FGD3: variants seen among roughly 807,000 people sequenced by gnomAD.
The protein encoded by FGD3 is FYVE, RhoGEF and PH domain containing 3, also known as FYVE, RhoGEF and PH domain-containing protein 3.
FGD3 carries 45 observed loss-of-function variants against 71.8 expected under a neutral mutation model. That is an observed-to-expected ratio of 0.63 (90% CI 0.49 to 0.80). The LOEUF is 0.80. Among genes scored for constraint, FGD3 ranks in the 30% least tolerant of loss-of-function variants. FGD3 has a pLI of 0.00. For missense variants in FGD3, 844 were observed against 951.5 expected (o/e 0.89, Z 1.49); for synonymous variants, 378 against 392.8 (o/e 0.96, Z 0.44).
chr9:92,949,382 C>T (rs1017466118), intron 1 of FGD3, among the ~76,000 whole-genome samples: 4 of 152,178 alleles, frequency 2.6e-5, no homozygotes, highest in African/African-American at 9.7e-5. Flanking sequence ...TCATCCATGA[C>T]AGTGTCTGAC....
chr9:92,963,407 C>T (rs968253074), intron 1 of FGD3, among the ~76,000 whole-genome samples: 4 of 152,168 alleles, frequency 2.6e-5, no homozygotes, highest in African/African-American at 9.7e-5. Context: ...TCGAGCGGTC[C>T]TCCCACCTCA....
intron 3 of FGD3, among the ~76,000 whole-genome samples, chr9:92,983,426 G>A (rs1186236225): frequency 1.3e-5 from 2 of 152,074 alleles, no homozygotes; most frequent in Non-Finnish European, 2.9e-5. Flanking sequence ...TCGGGAGGCT[G>A]AGGCAGGAGA....
intron 14 of FGD3, among the ~76,000 whole-genome samples, chr9:93,023,915 C>T (rs1862026680): frequency 6.6e-6 from 1 of 151,622 alleles, no homozygotes; most frequent in East Asian, 2.0e-4. Flanking sequence ...GATCCTCCTG[C>T]CTCAGCCTCC....
intron 1 of FGD3, among the ~76,000 whole-genome samples, chr9:92,965,602 G>A (rs1051260655): frequency 4.6e-5 from 7 of 152,254 alleles, no homozygotes; most frequent in Non-Finnish European, 8.8e-5. Context: ...CCCTTGGAAT[G>A]ACACGAGGCC....
chr9:93,023,665 C>T (rs79286090), intron 14 of FGD3, among the ~76,000 whole-genome samples: 6,987 of 152,180 alleles, frequency 0.046, 247 homozygotes, highest in East Asian at 0.14. Flanking sequence ...GCCCTGGGTT[C>T]CCCTTGCCCT....
chr9:93,035,679 A>C lies in FGD3; in HGVS notation c.*90A>C. 8.1e-6 allele frequency: 12 copies of C among 1,481,778 alleles called. No homozygotes were observed. Among genetic ancestry groups the C allele is most frequent in the Non-Finnish European group, 1.1e-5 (12 of 1,117,876 alleles). The allele number at this position is 1,481,778 out of a possible 1,614,324, so 91.8% of individuals were successfully genotyped here. On this transcript the variant is annotated 3_prime_UTR_variant, in exon 18 of 18. Coordinates refer to ENST00000375482, the MANE Select transcript of FGD3 (RefSeq NM_001083536.2). ...GGAGGCCCCATGAAGAGCGCCCTGG[A>C]CTGCTGAGGGTGGGCCAACAGCCCA...
intron 14 of FGD3, among the ~76,000 whole-genome samples, chr9:93,023,794 ACTTTTTTT>A (rs1425643573): frequency 8.0e-6 from 1 of 124,932 alleles, no homozygotes; most frequent in African/African-American, 3.1e-5. Flanking sequence ...CCCATCAGCA[ACTTTTTTT>A]TTTTTTTTTT....
In FGD3 at chr9:93,035,660, C is replaced by T. The variant is rs1862573524; in HGVS notation, c.*71C>T. ...TGTCCTGGGAGGTGGTGTTGGAGGC[C>T]CCATGAAGAGCGCCCTGGACTGCTG... On this transcript the variant is annotated 3_prime_UTR_variant, in exon 18 of 18. Coordinates refer to ENST00000375482, the MANE Select transcript of FGD3 (RefSeq NM_001083536.2). 2 of 1,508,798 alleles carry T rather than the reference C, an allele frequency of 1.3e-6. No individual in the cohort carries two copies. The highest frequency in any genetic ancestry group is 4.0e-5 in the Admixed American group (2 of 49,568). The allele number at this position is 1,508,798 out of a possible 1,614,324, so 93.5% of individuals were successfully genotyped here.
At chr9:93,029,139 C>T (rs1362638878) in intron 14 of FGD3, among the ~76,000 whole-genome samples, 1 of 150,862 alleles carries the variant, frequency 6.6e-6, no homozygotes, top group East Asian at 2.0e-4. Flanking sequence ...TGAAGCAATT[C>T]TCCTGCCTCA....
At chr9:92,991,113 C>G (rs1480169899) in intron 3 of FGD3, among the ~76,000 whole-genome samples, 1 of 152,098 alleles carries the variant, frequency 6.6e-6, no homozygotes, top group African/African-American at 2.4e-5. Context: ...GAGTCTCACC[C>G]TGTCACCCAG....
chr9:93,030,785 GATGGATGA>G (rs1862325854), intron 15 of FGD3, among the ~76,000 whole-genome samples: 2 of 152,060 alleles, frequency 1.3e-5, no homozygotes, highest in East Asian at 1.9e-4. Flanking sequence ...TGGGTAGAAG[GATGGATGA>G]ATGGATGAGT....
chr9:93,030,482 C>T (rs1407966401), intron 15 of FGD3, among the ~76,000 whole-genome samples: 4 of 152,186 alleles, frequency 2.6e-5, no homozygotes, highest in Admixed American at 2.6e-4. Flanking sequence ...CACTCCAAAG[C>T]CCTTTCTCCT....
At chr9:92,985,767 C>T (rs1007489332) in intron 3 of FGD3, among the ~76,000 whole-genome samples, 10 of 152,114 alleles carry the variant, frequency 6.6e-5, no homozygotes, top group African/African-American at 1.9e-4. Context: ...CATGAACCAC[C>T]GCACCTGGCC....
intron 3 of FGD3, among the ~76,000 whole-genome samples, chr9:92,993,302 C>T (rs1860493870): frequency 6.6e-6 from 1 of 152,128 alleles, no homozygotes; most frequent in South Asian, 2.1e-4. Flanking sequence ...TTTTATCTAA[C>T]TATGGCCACT....
In FGD3 at chr9:93,024,762, G is replaced by A. The variant is rs1021356182; in HGVS notation, c.1557+2373G>A. Among the ~76,000 whole-genome samples the A allele has an allele frequency of 1.2e-4, 18 of 152,400 alleles. No homozygotes were observed. In the South Asian group the frequency reaches 2.1e-3, roughly 18 times the overall value. ...CTGGCTGAGGGGATCCACACAGGGC[G>A]TCTGAGTGTGGGACAGGGTCCTGGG... On this transcript the variant is annotated intron_variant, in intron 14 of 17. Coordinates refer to ENST00000375482, the MANE Select transcript of FGD3 (RefSeq NM_001083536.2).
rs116911335 is a variant in FGD3 at position 93,022,814 on chromosome 9, C to T, written c.1557+425C>T. Among the ~76,000 whole-genome samples the T allele has an allele frequency of 4.2e-3, 645 of 152,246 alleles. 7 individuals carry two copies. Among genetic ancestry groups the T allele is most frequent in the South Asian group, 0.029 (139 of 4,826 alleles). On this transcript the variant is annotated intron_variant, in intron 14 of 17. Coordinates refer to ENST00000375482, the MANE Select transcript of FGD3 (RefSeq NM_001083536.2). ...TTAGGAGGCTCGGTAATGCAGAGGACTGCTTAGTTCTTCACCCCAAGCAGC... is the reference window on the plus strand; with the variant it reads ...TTAGGAGGCTCGGTAATGCAGAGGATTGCTTAGTTCTTCACCCCAAGCAGC...
chr9:92,949,144 G>C (rs1486947003), intron 1 of FGD3, among the ~76,000 whole-genome samples: 1 of 152,162 alleles, frequency 6.6e-6, no homozygotes, highest in Non-Finnish European at 1.5e-5. Flanking sequence ...CATGATCTGG[G>C]GGAGGTCAGA....
At chr9:92,977,747 G>C (rs1055940969) in intron 3 of FGD3, among the ~76,000 whole-genome samples, 1 of 152,184 alleles carries the variant, frequency 6.6e-6, no homozygotes, top group African/African-American at 2.4e-5. Flanking sequence ...GAGGGTTCGA[G>C]GGGGAACTGT....
rs34412050 is a variant in FGD3, at chr9:93,013,972, A to T, written c.1156A>T (p.Thr386Ser). 259 of 1,606,492 alleles carry T rather than the reference A, an allele frequency of 1.6e-4. 2 individuals are homozygous for T. In the Middle Eastern group the frequency reaches 4.3e-3, roughly 27 times the overall value. ...QIQKLSAKNG[T>S]PQDRHLFLFN... is the part of the protein sequence containing the mutation. ...CCAGAAACTGTCAGCCAAGAACGGCACCCCCCAGGACCGCCACCTCTTCCT... is the reference window on the plus strand; with the variant it reads ...CCAGAAACTGTCAGCCAAGAACGGCTCCCCCCAGGACCGCCACCTCTTCCT... Residue 386 changes from threonine to serine, a missense_variant, in exon 9 of 18, where the codon ACC (threonine) becomes TCC (serine). Thr to Ser is a moderately conservative substitution (Grantham distance 58). Coordinates refer to ENST00000375482, the MANE Select transcript of FGD3 (RefSeq NM_001083536.2).
Sources: allele counts gnomAD v4.1 joint callset (sites outside exome capture counted in the v4.1 genomes callset), GRCh38; gene constraint gnomAD v4.1.1; transcripts MANE v1.5; gene names NCBI Gene and HGNC (gene_info 2026-07-23, HGNC 2026-07-21).